TNR: variants seen among roughly 807,000 people sequenced by gnomAD.
TNR encodes the protein tenascin R.
TNR carries 45 observed loss-of-function variants against 150.4 expected under a neutral mutation model. The ratio of observed to expected loss-of-function variants is 0.30; its 90% CI spans 0.24 to 0.38. The LOEUF is 0.38. Among genes scored for constraint, TNR ranks in the 10% least tolerant of loss-of-function variants. The pLI is 1.00. For synonymous variants in TNR, 687 were observed against 678.4 expected (o/e 1.01, Z -0.20); for missense variants, 1,544 against 1,759.1 (o/e 0.88, Z 2.19).
intron 2 of TNR, among the ~76,000 whole-genome samples, chr1:175,492,495 A>T (rs1055668110): frequency 2.6e-5 from 4 of 152,220 alleles, no homozygotes; most frequent in African/African-American, 9.6e-5. Flanking sequence ...TTTTCTGAGC[A>T]GGGTAGTTTG....
intron 1 of TNR, among the ~76,000 whole-genome samples, chr1:175,687,626 G>C (rs1666243637): frequency 6.6e-6 from 1 of 151,934 alleles, no homozygotes. Context: ...GTGGTATGCT[G>C]AGCTAGCTCA....
intron 9 of TNR, among the ~76,000 whole-genome samples, chr1:175,373,082 G>A (rs1652178568): frequency 6.6e-6 from 1 of 152,196 alleles, no homozygotes; most frequent in South Asian, 2.1e-4. Context: ...CACAGAAGCA[G>A]CATGGTGCTG....
chr1:175,505,763 G>A lies in TNR; in HGVS notation c.-64+22506C>T, dbSNP rs1416145293. Among the ~76,000 whole-genome samples the A allele has an allele frequency of 5.9e-5, 9 of 152,214 alleles. No individual in the cohort carries two copies. In the East Asian group the frequency reaches 9.6e-4, roughly 16 times the overall value. On this transcript the variant is annotated intron_variant, in intron 2 of 22. Transcript: ENST00000367674. ...CATATAAGAAACGACAGATAAGGCC[G>A]GACATGGTGGCTCACCTGAGCCATC...
At chr1:175,626,426 G>A (rs1010208168) in intron 1 of TNR, among the ~76,000 whole-genome samples, 6 of 152,198 alleles carry the variant, frequency 3.9e-5, no homozygotes, top group African/African-American at 1.4e-4. Flanking sequence ...TCAGTGCTGA[G>A]CTGCTATCCT....
intron 1 of TNR, among the ~76,000 whole-genome samples, chr1:175,633,636 A>C (rs1461367773): frequency 2.6e-5 from 4 of 152,208 alleles, no homozygotes; most frequent in Non-Finnish European, 5.9e-5. Flanking sequence ...AATGCCATAA[A>C]AATTAGGGAA....
chr1:175,633,196 C>T (rs1664387846), intron 1 of TNR, among the ~76,000 whole-genome samples: 2 of 152,208 alleles, frequency 1.3e-5, no homozygotes, highest in African/African-American at 4.8e-5. Flanking sequence ...ACTGCATATG[C>T]AATTATCATC....
At chr1:175,467,139 A>G (rs573492369) in intron 2 of TNR, among the ~76,000 whole-genome samples, 8 of 152,238 alleles carry the variant, frequency 5.3e-5, no homozygotes, top group African/African-American at 1.9e-4. Flanking sequence ...TTCGATGCAG[A>G]GAACAGACCG....
intron 1 of TNR, among the ~76,000 whole-genome samples, chr1:175,663,087 C>A: frequency 6.6e-6 from 1 of 152,188 alleles, no homozygotes; most frequent in East Asian, 1.9e-4. Flanking sequence ...ATACTGTTAT[C>A]TTTTGAGGTC....
At chr1:175,615,179 T>G (rs12024031) in intron 1 of TNR, among the ~76,000 whole-genome samples, 43,592 of 152,042 alleles carry the variant, frequency 0.29, 6,552 homozygotes, top group East Asian at 0.48. Flanking sequence ...ATGTGGCTGG[T>G]GTGGTCAGAG....
Position 175,379,616 on chromosome 1 carries a change from A to G in TNR, c.1899T>C (p.Gly633=), listed in dbSNP as rs1333728302. ...GGACCAGTACCTCATGATATTGCTC[A>G]CCCGCCAGGGTGCTGTACACAACCT... ...EYKVVYSTLA[G]EQYHEVLVPR... is the part of the protein sequence containing the mutation. The change falls in exon 9 of 23, where the codon GGT becomes GGC. Residue 633 remains glycine, a synonymous_variant. Coordinates refer to ENST00000367674, the MANE Select transcript of TNR (RefSeq NM_003285.3). The G allele has an allele frequency of 1.2e-6, 2 of 1,613,980 alleles. No homozygotes were observed. Among genetic ancestry groups the G allele is most frequent in the African/African-American group, 1.3e-5 (1 of 74,890 alleles).
In TNR at chr1:175,568,095, C is replaced by G. The variant is rs141174947; in HGVS notation, c.-164-39726G>C. ...CTGAAGGCAACATGAGCTCTTACAG[C>G]TGACAGATCATCTCAAGCCCAAGCC... is the stretch of plus-strand genomic sequence containing the variant. On this transcript the variant is annotated intron_variant, in intron 1 of 22. Transcript: ENST00000367674. Among the ~76,000 whole-genome samples, 532 of 152,326 alleles carry G rather than the reference C, an allele frequency of 3.5e-3. 10 individuals carry two copies. The highest frequency in any genetic ancestry group is 0.025 in the Admixed American group (386 of 15,300).
At chr1:175,442,387 G>T (rs756302789) in intron 2 of TNR, among the ~76,000 whole-genome samples, 1 of 151,994 alleles carries the variant, frequency 6.6e-6, no homozygotes, top group Non-Finnish European at 1.5e-5. Flanking sequence ...TGGAAGTGAA[G>T]TGGTCCTAGG....
intron 5 of TNR, 132 bp from the exon 6 acceptor site, chr1:175,394,027 G>T (rs1047664099): frequency 1.4e-6 from 1 of 694,380 alleles, no homozygotes; most frequent in African/African-American, 1.8e-5. Flanking sequence ...TCCCAATCTT[G>T]CTCCAGACAC....
At chr1:175,725,541 T>TCAGTGA (rs561670118) in intron 1 of TNR, among the ~76,000 whole-genome samples, 3 of 152,356 alleles carry the variant, frequency 2.0e-5, no homozygotes, top group African/African-American at 7.2e-5. Flanking sequence ...TCTCAATAGT[T>TCAGTGA]CAGTGACATC....
At chr1:175,469,246 C>G (rs1006002544) in intron 2 of TNR, among the ~76,000 whole-genome samples, 1 of 151,974 alleles carries the variant, frequency 6.6e-6, no homozygotes, top group Non-Finnish European at 1.5e-5. Context: ...ACAAGAAGAC[C>G]CAGCCTCTGC....
chr1:175,590,278 A>G (rs115612242), intron 1 of TNR, among the ~76,000 whole-genome samples: 179 of 152,322 alleles, frequency 1.2e-3, no homozygotes, highest in Admixed American at 2.0e-3. Context: ...TACATCTTAA[A>G]TTTCTAAAAA....
intron 1 of TNR, among the ~76,000 whole-genome samples, chr1:175,546,702 C>T (rs894490441): frequency 6.6e-6 from 1 of 152,166 alleles, no homozygotes; most frequent in African/African-American, 2.4e-5. Flanking sequence ...CAGATCACCC[C>T]ATGTCAGCTC....
At chr1:175,566,156 C>T (rs191193372) in intron 1 of TNR, among the ~76,000 whole-genome samples, 3 of 152,312 alleles carry the variant, frequency 2.0e-5, no homozygotes, top group Non-Finnish European at 2.9e-5. Flanking sequence ...CCTGAATAAA[C>T]GAGAGTTCAT....
chr1:175,319,788 G>A lies in TNR; in HGVS notation c.*3569C>T, dbSNP rs1407836470. The A allele has an allele frequency of 1.3e-5, 2 of 152,156 alleles. No homozygotes were observed. The highest frequency in any genetic ancestry group is 2.9e-5 in the Non-Finnish European group (2 of 68,030). 9.4% of individuals were successfully genotyped at this position (152,156 alleles called of 1,614,324 possible). A position where few individuals can be genotyped will look rare whatever the true frequency, so the allele number is the denominator to read the frequency against. On this transcript the variant is annotated 3_prime_UTR_variant, in exon 23 of 23. Coordinates refer to ENST00000367674, the MANE Select transcript of TNR (RefSeq NM_003285.3). ...CGTGGCCTTTCTCAACCCCGCTGAC[G>A]TTTCACACGGGGTTTCAGGAGGTGA...
Sources: gnomAD v4.1 joint callset for allele counts (sites outside exome capture counted in the v4.1 genomes callset) on GRCh38, gnomAD v4.1.1 for gene constraint, MANE v1.5 for transcripts, NCBI Gene and HGNC (gene_info 2026-07-23, HGNC 2026-07-21) for gene names.